CBLIF: variants seen among roughly 807,000 people sequenced by gnomAD.
The protein encoded by CBLIF is gastric intrinsic factor (vitamin B synthesis).
A neutral mutation model predicts 44.9 loss-of-function variants in CBLIF; 24 were observed. The ratio of observed to expected loss-of-function variants is 0.53; its 90% CI spans 0.39 to 0.75. The LOEUF is 0.75. Among genes scored for constraint, CBLIF ranks in the 30% least tolerant of loss-of-function variants. The probability of loss-of-function intolerance (pLI) is 0.00; values close to 1 mark genes in which losing one functional copy is unlikely to be tolerated. For missense variants in CBLIF, 481 were observed against 513.0 expected, an observed-to-expected ratio of 0.94 and a Z score of 0.60; for synonymous variants, 183 against 190.9, an observed-to-expected ratio of 0.96 and a Z score of 0.34.
chr11:59,842,893 G>A (rs1866556336), intron 3 of CBLIF, 135 bp downstream of exon 3: 1 of 707,244 alleles, frequency 1.4e-6, no homozygotes, highest in Admixed American at 2.0e-5. Context: ...ATTATCAGAA[G>A]GACCAGAGTG....
At chr11:59,838,848 C>CT (rs1217612334) in intron 5 of CBLIF, among the ~76,000 whole-genome samples, 6,003 of 130,478 alleles carry the variant, frequency 0.046, 232 homozygotes, top group Admixed American at 0.1. Flanking sequence ...TTCTTTCTTT[C>CT]TTTTTTTTTT....
At position 59,832,116 on chromosome 11, in the gene CBLIF, C is replaced by G. The variant is rs560029866; in HGVS notation, c.1074-320G>C. On this transcript the variant is annotated intron_variant, in intron 7 of 8. Transcript: ENST00000257248. ...AAATCAAATGAGAAAATGCTTTAAC[C>G]AGTTTACTATTGATGGGCATTTAGG... Among the ~76,000 whole-genome samples, 8 of 152,210 alleles carry G rather than the reference C, an allele frequency of 5.3e-5. No homozygotes were observed. The South Asian group carries it at 1.7e-3, about 32-fold the overall frequency.
intron 5 of CBLIF, among the ~76,000 whole-genome samples, chr11:59,839,274 G>C (rs1866493541): frequency 6.6e-6 from 1 of 152,230 alleles, no homozygotes; most frequent in South Asian, 2.1e-4. Flanking sequence ...GGGTAGGGAA[G>C]AGTGTGGCCT....
Position 59,842,559 on chromosome 11 carries a change from A to C in CBLIF, c.395T>G (p.Phe132Cys), listed in dbSNP as rs767310443. ...CAAGATCGCTAGACTGGGCCCATAG[A>C]AGGCTGATGCTTCAGCGTTGGGGCC... Reference protein sequence around the residue: ...PSSPNAEASAFYGPSLAILAL... With the variant: ...PSSPNAEASACYGPSLAILAL... The change falls in exon 4 of 9, where the codon TTC (phenylalanine) becomes TGC (cysteine). Residue 132 changes from phenylalanine (F) to cysteine (C), a missense_variant. Transcript: ENST00000257248. 6.2e-7 allele frequency: 1 copy of C among 1,614,014 alleles called. No homozygotes were observed.
intron 7 of CBLIF, among the ~76,000 whole-genome samples, chr11:59,834,782 C>T (rs1378373462): frequency 2.6e-5 from 4 of 152,098 alleles, no homozygotes; most frequent in African/African-American, 9.7e-5. Flanking sequence ...GAAAGATATT[C>T]TTTCTTCTTG....
At chr11:59,842,645 A>G in intron 3 of CBLIF, 62 bp from the exon 4 acceptor site, 1 of 1,547,502 alleles carries the variant, frequency 6.5e-7, no homozygotes, top group South Asian at 1.1e-5. Context: ...ACATTTGCAA[A>G]GAAGGAAAAG....
At chr11:59,838,598 A>C (rs1249412384) in intron 5 of CBLIF, among the ~76,000 whole-genome samples, 2 of 152,166 alleles carry the variant, frequency 1.3e-5, no homozygotes, top group African/African-American at 4.8e-5. Context: ...GCATCTATGA[A>C]GCATGGCTCT....
intron 7 of CBLIF, among the ~76,000 whole-genome samples, chr11:59,834,304 C>CTTTT (rs376102778): frequency 2.4e-4 from 25 of 102,970 alleles, no homozygotes; most frequent in African/African-American, 9.4e-4. Flanking sequence ...TTCTTTCTTT[C>CTTTT]TTTCTTTCTT....
rs541611142 is a variant in CBLIF, at chr11:59,831,810, T to A, written c.1074-14A>T. 8.3e-7 allele frequency: 1 copy of A among 1,210,366 alleles called. No homozygotes were observed. Among genetic ancestry groups the A allele is most frequent in the South Asian group, 1.2e-5 (1 of 83,046 alleles). 75.0% of individuals were successfully genotyped at this position (1,210,366 alleles called of 1,614,324 possible). The stretch of plus-strand genomic sequence containing the variant: ...GTGGTTTCAAATCTAAAAAAAAGTT[T>A]ATATATGATTAACATCTCACTTTAG... On this transcript the variant is annotated splice_polypyrimidine_tract_variant and intron_variant, in intron 7 of 8. Coordinates refer to ENST00000257248, the MANE Select transcript of CBLIF (RefSeq NM_005142.3).
In CBLIF at chr11:59,834,118, G is replaced by C. The variant is rs77661197; in HGVS notation, c.1073+1690C>G. ...TCTGCTATCTACTGCATGGGTTCTTGACTTAGGTCATCACCTCTAAGAGAT... is the reference window on the plus strand; with the variant it reads ...TCTGCTATCTACTGCATGGGTTCTTCACTTAGGTCATCACCTCTAAGAGAT... On this transcript the variant is annotated intron_variant, in intron 7 of 8. Transcript: ENST00000257248. 2.7e-3 allele frequency among the ~76,000 whole-genome samples: 412 copies of C among 152,268 alleles called. 2 individuals are homozygous for C. The highest frequency in any genetic ancestry group is 3.8e-3 in the Non-Finnish European group (257 of 68,022).
intron 5 of CBLIF, among the ~76,000 whole-genome samples, chr11:59,837,554 A>C (rs1229002494): frequency 6.6e-6 from 1 of 152,242 alleles, no homozygotes; most frequent in African/African-American, 2.4e-5. Flanking sequence ...TCTGTCAGAC[A>C]GCAGACACAG....
chr11:59,841,877 A>G (rs1200286397), intron 4 of CBLIF, among the ~76,000 whole-genome samples: 1 of 151,998 alleles, frequency 6.6e-6, no homozygotes, highest in Non-Finnish European at 1.5e-5. Flanking sequence ...ATAGAAGGGG[A>G]CAGAAGGAGG....
At chr11:59,836,045 T>A (rs199654549) in intron 6 of CBLIF, 36 bp from the exon 7 acceptor site, 1 of 1,552,066 alleles carries the variant, frequency 6.4e-7, no homozygotes, top group Non-Finnish European at 8.9e-7. Flanking sequence ...TGTCAAAGAT[T>A]ATGGGGTTTG....
At chr11:59,832,496 A>C (rs1866386611) in intron 7 of CBLIF, among the ~76,000 whole-genome samples, 2 of 152,156 alleles carry the variant, frequency 1.3e-5, no homozygotes, top group South Asian at 4.1e-4. Flanking sequence ...TTTAAAAAAA[A>C]GAGAAAATGG....
intron 6 of CBLIF, 48 bp downstream of exon 6, chr11:59,837,126 C>T (rs1374190909): frequency 7.2e-7 from 1 of 1,388,100 alleles, no homozygotes; most frequent in Non-Finnish European, 1.0e-6. Context: ...CATGTCATTT[C>T]TGGCATAAGT....
At chr11:59,842,312 T>A (rs1866542420) in intron 4 of CBLIF, 131 bp downstream of exon 4, 2 of 988,026 alleles carry the variant, frequency 2.0e-6, no homozygotes, top group Non-Finnish European at 1.6e-6. Context: ...ATATCTCCCA[T>A]CCACAGGCAC....
chr11:59,836,547 T>A lies in CBLIF; in HGVS notation c.872-538A>T, dbSNP rs145591014. Among the ~76,000 whole-genome samples, 590 of 152,332 alleles carry A rather than the reference T, an allele frequency of 3.9e-3. 5 individuals carry two copies. The highest frequency in any genetic ancestry group is 0.014 in the African/African-American group (562 of 41,564). On this transcript the variant is annotated intron_variant, in intron 6 of 8. Transcript: ENST00000257248. ...TAATTGGATAAAATAAAGATATTTT[T>A]AATTAAAAAGTGGCATGCTAGGTTT...
At chr11:59,834,252 C>CTT (rs371481859) in intron 7 of CBLIF, among the ~76,000 whole-genome samples, 3 of 90,964 alleles carry the variant, frequency 3.3e-5, no homozygotes, top group East Asian at 6.1e-4. Context: ...TTCTTTCTTT[C>CTT]TTTCTTTCTT....
At chr11:59,843,736 T>G (rs957508419) in intron 2 of CBLIF, 143 bp downstream of exon 2, 52 of 717,514 alleles carry the variant, frequency 7.2e-5, no homozygotes, top group Non-Finnish European at 1.0e-5. Context: ...CCAGGTACCT[T>G]CCAGGTATGT....
Sources: gnomAD v4.1 joint callset for allele counts (sites outside exome capture counted in the v4.1 genomes callset) on GRCh38, gnomAD v4.1.1 for gene constraint, MANE v1.5 for transcripts, NCBI Gene and HGNC (gene_info 2026-07-23, HGNC 2026-07-21) for gene names.